Variants in ASB3 observed in about 807,000 individuals in gnomAD.
The protein encoded by ASB3 is ankyrin repeat and SOCS box containing 3, also known as ankyrin repeat and SOCS box protein 3.
In ASB3, 41 loss-of-function variants were observed where a neutral mutation model predicts 54.5. The observed-to-expected ratio is 0.75, with a 90% CI of 0.59 to 0.98. The LOEUF (loss-of-function observed/expected upper bound fraction) is 0.98. Ranked by LOEUF, ASB3 falls within the 50% of genes least tolerant of loss-of-function variation. ASB3 has a pLI of 0.00. For synonymous variants in ASB3, 266 were observed against 221.2 expected (o/e 1.20, Z -1.80); for missense variants, 733 against 620.0 (o/e 1.18, Z -1.94).
At position 53,728,761 on chromosome 2, in the gene ASB3, C is replaced by A; in HGVS notation, c.555G>T (p.Val185=). The part of the protein sequence containing the change: ...QDDFGITPLF[V]AAQYGKLESL... ...TTTCTAGCTTGCCATACTGAGCAGC[C>A]ACAAATAAAGGTGTGATTCCAAAGT... Residue 185 remains valine (V), a synonymous_variant, in exon 5 of 10, where the codon GTG becomes GTT. Coordinates refer to ENST00000263634, the MANE Select transcript of ASB3 (RefSeq NM_016115.5). 1 of 1,612,016 alleles carries A rather than the reference C, an allele frequency of 6.2e-7. No individual in the cohort carries two copies. Among genetic ancestry groups the A allele is most frequent in the Non-Finnish European group, 8.5e-7 (1 of 1,178,964 alleles).
At chr2:53,716,886 A>G in intron 5 of ASB3, 143 bp from the exon 6 acceptor site, 5 of 970,684 alleles carry the variant, frequency 5.2e-6, no homozygotes, top group Non-Finnish European at 7.2e-6. Flanking sequence ...TGTTATATAA[A>G]CATATTTACT....
At chr2:53,754,297 C>T (rs1484178208) in intron 2 of ASB3, among the ~76,000 whole-genome samples, 1 of 151,908 alleles carries the variant, frequency 6.6e-6, no homozygotes, top group Non-Finnish European at 1.5e-5. Context: ...AGAAGAATTC[C>T]AAATAATTTA....
At chr2:53,725,171 G>T (rs1026048696) in intron 5 of ASB3, among the ~76,000 whole-genome samples, 1 of 152,118 alleles carries the variant, frequency 6.6e-6, no homozygotes, top group Non-Finnish European at 1.5e-5. Flanking sequence ...TATTCTAAGT[G>T]AATTAACAAA....
intron 8 of ASB3, among the ~76,000 whole-genome samples, chr2:53,698,299 T>C (rs927307827): frequency 3.3e-5 from 5 of 152,176 alleles, no homozygotes; most frequent in Non-Finnish European, 7.3e-5. Context: ...TTTTTTCTAA[T>C]TGTCTTGATG....
chr2:53,691,342 T>C (rs1222367130), intron 9 of ASB3, among the ~76,000 whole-genome samples: 2 of 152,108 alleles, frequency 1.3e-5, no homozygotes, highest in East Asian at 3.9e-4. Flanking sequence ...GGGAGAAAAA[T>C]ATTTCCCTAG....
intron 1 of ASB3, chr2:53,786,237 T>C (rs977296174): frequency 7.2e-5 from 11 of 152,146 alleles, no homozygotes; most frequent in African/African-American, 2.4e-4. Context: ...ACTTAGTTCA[T>C]AAACACACAC....
At chr2:53,689,506 A>G (rs1224125153) in intron 9 of ASB3, among the ~76,000 whole-genome samples, 1 of 152,246 alleles carries the variant, frequency 6.6e-6, no homozygotes, top group Non-Finnish European at 1.5e-5. Flanking sequence ...ATGCTAGTTC[A>G]TTATTATCAG....
chr2:53,675,783 G>A (rs1190499333), intron 9 of ASB3, among the ~76,000 whole-genome samples: 1 of 152,108 alleles, frequency 6.6e-6, no homozygotes, highest in African/African-American at 2.4e-5. Flanking sequence ...TTTTCCAGGT[G>A]ATATATACTA....
chr2:53,727,519 G>A (rs1267647372), intron 5 of ASB3, among the ~76,000 whole-genome samples: 13 of 151,966 alleles, frequency 8.6e-5, no homozygotes, highest in Non-Finnish European at 1.6e-4. Flanking sequence ...ACCTGTAATC[G>A]CAGCTATTTG....
intron 1 of ASB3, among the ~76,000 whole-genome samples, chr2:53,773,388 G>A (rs563421350): frequency 2.0e-5 from 3 of 151,150 alleles, no homozygotes; most frequent in South Asian, 4.1e-4. Flanking sequence ...TGTTTAGTAT[G>A]TTCTTCTGTG....
chr2:53,774,103 G>A (rs768676498), intron 1 of ASB3: 4 of 1,534,396 alleles, frequency 2.6e-6, no homozygotes, highest in African/African-American at 1.4e-5. Flanking sequence ...ATTTTAATTA[G>A]CCTTATAATA....
chr2:53,709,267 C>T (rs1257815419), intron 7 of ASB3, among the ~76,000 whole-genome samples: 1 of 152,336 alleles, frequency 6.6e-6, no homozygotes, highest in Admixed American at 6.5e-5. Flanking sequence ...AGGTACAGCT[C>T]AGGCCACTGT....
intron 4 of ASB3, 123 bp from the exon 5 acceptor site, chr2:53,728,970 C>T (rs1253235239): frequency 3.5e-6 from 4 of 1,140,600 alleles, no homozygotes; most frequent in Non-Finnish European, 4.8e-6. Flanking sequence ...AAGGAAAAAA[C>T]AAAACAGTAT....
In ASB3 at chr2:53,685,136, T is replaced by C. The variant is rs151133948; in HGVS notation, c.1369+8748A>G. The stretch of plus-strand genomic sequence containing the variant: ...CTTTACTCTGGGAGAAATCGAGTTC[T>C]TTTACATTCTCTTTTTTAAGGGGCA... On this transcript the variant is annotated intron_variant, in intron 9 of 9. Coordinates refer to ENST00000263634, the MANE Select transcript of ASB3 (RefSeq NM_016115.5). Among the ~76,000 whole-genome samples the C allele has an allele frequency of 6.2e-4, 94 of 152,344 alleles. No homozygotes were observed. In the East Asian group the frequency reaches 0.015, roughly 25 times the overall value.
chr2:53,746,485 CTTT>C (rs371241627), intron 3 of ASB3, among the ~76,000 whole-genome samples: 4 of 139,048 alleles, frequency 2.9e-5, no homozygotes, highest in Admixed American at 7.2e-5. Context: ...GGGGTTTTTT[CTTT>C]TTTTTTTTTT....
chr2:53,684,407 T>G (rs1254819381), intron 9 of ASB3, among the ~76,000 whole-genome samples: 1 of 152,218 alleles, frequency 6.6e-6, no homozygotes. Context: ...CTATTCCTGA[T>G]AGTAAATAAT....
At chr2:53,768,097 C>T in intron 1 of ASB3, 1 of 1,537,132 alleles carries the variant, frequency 6.5e-7, no homozygotes, top group South Asian at 1.1e-5. Context: ...GCACCCACAC[C>T]CTAGAGAACC....
chr2:53,700,281 A>G lies in ASB3; in HGVS notation c.1228T>C (p.Cys410Arg). The G allele has an allele frequency of 1.9e-6, 3 of 1,613,294 alleles. No homozygotes were observed. Among genetic ancestry groups the G allele is most frequent in the Non-Finnish European group, 2.5e-6 (3 of 1,179,632 alleles). Reference protein sequence around the residue: ...VAGFDPLILLCNSWIDSVSID... With the variant: ...VAGFDPLILLRNSWIDSVSID... ...GGTAGAATTTCTTACCAAGAATTGCACAGTAGAATCAGTGGGTCAAATCCA... is the reference window on the plus strand; with the variant it reads ...GGTAGAATTTCTTACCAAGAATTGCGCAGTAGAATCAGTGGGTCAAATCCA... The change falls in exon 8 of 10, where the codon TGC (cysteine) becomes CGC (arginine). Residue 410 changes from cysteine (C) to arginine (R), a missense_variant. By Grantham distance (180) the Cys-to-Arg change is radical. Transcript: ENST00000263634.
chr2:53,785,458 C>G (rs1674904355), intron 1 of ASB3, among the ~76,000 whole-genome samples: 1 of 151,682 alleles, frequency 6.6e-6, no homozygotes, highest in African/African-American at 2.4e-5. Flanking sequence ...TTGACTATTA[C>G]TACTATAATA....
Sources: allele counts gnomAD v4.1 joint callset (sites outside exome capture counted in the v4.1 genomes callset), GRCh38; gene constraint gnomAD v4.1.1; transcripts MANE v1.5; gene names NCBI Gene and HGNC (gene_info 2026-07-23, HGNC 2026-07-21).